The following ACVR1 variants were observed in gnomAD, a reference collection of about 807,000 sequenced individuals.
ACVR1 encodes the protein activin A receptor type 1.
In ACVR1, 38 loss-of-function variants were observed where a neutral mutation model predicts 57.1. The ratio of observed to expected loss-of-function variants is 0.67; its 90% CI spans 0.51 to 0.87. The LOEUF (loss-of-function observed/expected upper bound fraction) is 0.87, where lower values mean the gene tolerates loss of function less well. Ranked by LOEUF, ACVR1 falls within the 40% of genes least tolerant of loss-of-function variation. The pLI, the probability that ACVR1 is intolerant of heterozygous loss-of-function variation, is 0.00. For missense variants in ACVR1, 463 were observed against 638.2 expected (o/e 0.73, Z 2.96); for synonymous variants, 212 against 228.1 (o/e 0.93, Z 0.63).
In ACVR1 at chr2:157,780,487, C is replaced by T. The variant is rs772534199; in HGVS notation, c.181G>A (p.Asp61Asn). 3.1e-6 allele frequency: 5 copies of T among 1,614,068 alleles called. No individual in the cohort carries two copies. Among genetic ancestry groups the T allele is most frequent in the South Asian group, 1.1e-5 (1 of 91,070 alleles). Reference protein sequence around the residue: ...QQCFSSLSINDGFHVYQKGCF... With the variant: ...QQCFSSLSINNGFHVYQKGCF... ...CCTTTCTGGTAGACGTGGAAGCCAT[C>T]GTTGATGCTCAGTGAGGAAAAGCAC... The change falls in exon 4 of 11, where the codon GAT becomes AAT. Residue 61 changes from aspartate to asparagine, a missense_variant. Coordinates refer to ENST00000434821, the MANE Select transcript of ACVR1 (RefSeq NM_001111067.4).
At chr2:157,800,187 T>A (rs952824011) in intron 2 of ACVR1, among the ~76,000 whole-genome samples, 4 of 152,252 alleles carry the variant, frequency 2.6e-5, no homozygotes, top group African/African-American at 9.6e-5. Context: ...GGGAGTTTGG[T>A]TAGTTGCAAT....
chr2:157,810,199 T>C (rs562203763), intron 2 of ACVR1, among the ~76,000 whole-genome samples: 6 of 152,354 alleles, frequency 3.9e-5, no homozygotes, highest in African/African-American at 1.2e-4. Flanking sequence ...TATGAAATCA[T>C]TGTGGAAACG....
intron 9 of ACVR1, among the ~76,000 whole-genome samples, chr2:157,752,036 C>T (rs1249361749): frequency 6.6e-6 from 1 of 152,156 alleles, no homozygotes; most frequent in Non-Finnish European, 1.5e-5. Flanking sequence ...CAACTAAAGA[C>T]CCTCACAGAG....
At chr2:157,819,789 C>A (rs1337401327) in intron 1 of ACVR1, among the ~76,000 whole-genome samples, 2 of 152,126 alleles carry the variant, frequency 1.3e-5, no homozygotes, top group Non-Finnish European at 2.9e-5. Flanking sequence ...CACCCAGGCC[C>A]CATTTTCCTT....
rs753599813 is a variant in ACVR1 at position 157,760,969 on chromosome 2, T to G, written c.1175A>C (p.Gln392Pro). 4 of 1,614,044 alleles carry G rather than the reference T, an allele frequency of 2.5e-6. No homozygotes were observed. The highest frequency in any genetic ancestry group is 1.7e-5 in the Admixed American group (1 of 60,006). Residue 392 changes from glutamine (Q) to proline (P), a missense_variant, in exon 9 of 11, where the codon CAG (glutamine) becomes CCG (proline). By Grantham distance (76) the Gln-to-Pro change is moderately conservative (BLOSUM62 -1). Around this residue, in one of 3 missense-constraint regions of ACVR1, gnomAD observed 146 missense variants for 186.6 expected, o/e 0.78. Transcript: ENST00000434821. ...MAPEVLDETI[Q>P]VDCFDSYKRV... Reference sequence around the variant, plus strand: ...TTTATAAGAATCGAAACAATCCACCTGGATGGTTTCATCTAGAACTTCGGG... The same window carrying G: ...TTTATAAGAATCGAAACAATCCACCGGGATGGTTTCATCTAGAACTTCGGG...
At chr2:157,818,853 C>T (rs1424654926) in intron 1 of ACVR1, among the ~76,000 whole-genome samples, 3 of 151,722 alleles carry the variant, frequency 2.0e-5, no homozygotes, top group South Asian at 2.1e-4. Flanking sequence ...CCGAGGCGGG[C>T]GGATCACGAG....
At chr2:157,864,912 C>T (rs1243006320) in intron 1 of ACVR1, among the ~76,000 whole-genome samples, 1 of 151,674 alleles carries the variant, frequency 6.6e-6, no homozygotes, top group Non-Finnish European at 1.5e-5. Flanking sequence ...ATATGAGTTT[C>T]CTGGTCACTA....
intron 9 of ACVR1, among the ~76,000 whole-genome samples, chr2:157,756,171 G>A (rs1305860293): frequency 6.6e-6 from 1 of 152,028 alleles, no homozygotes; most frequent in East Asian, 1.9e-4. Context: ...AACTTAAGAT[G>A]GATCAAGGAC....
chr2:157,798,490 T>A (rs1446142883), intron 3 of ACVR1, among the ~76,000 whole-genome samples: 1 of 135,836 alleles, frequency 7.4e-6, no homozygotes, highest in Non-Finnish European at 1.5e-5. Context: ...CATGCCCAAC[T>A]ACACCATAAT....
chr2:157,844,851 A>G (rs1336048194), intron 1 of ACVR1, among the ~76,000 whole-genome samples: 18 of 152,214 alleles, frequency 1.2e-4, no homozygotes, highest in Admixed American at 1.2e-3. Flanking sequence ...TTATAAAAAA[A>G]GAGCTCCCTG....
In ACVR1 at chr2:157,752,106, C is replaced by A. The variant is rs955214024; in HGVS notation, c.1264+8774G>T. On this transcript the variant is annotated intron_variant, in intron 9 of 10. Coordinates refer to ENST00000434821, the MANE Select transcript of ACVR1 (RefSeq NM_001111067.4). ...GGTGCCGGTATCCATGGCTGAGAGA[C>A]CTGAAGACAGTTCACATCACAGGAC... Among the ~76,000 whole-genome samples, 4 of 152,304 alleles carry A rather than the reference C, an allele frequency of 2.6e-5. No homozygotes were observed. In the East Asian group the frequency reaches 7.7e-4, roughly 29 times the overall value.
At chr2:157,781,472 G>A (rs188102111) in intron 3 of ACVR1, among the ~76,000 whole-genome samples, 4 of 152,316 alleles carry the variant, frequency 2.6e-5, no homozygotes, top group African/African-American at 9.6e-5. Flanking sequence ...TAACACTAAA[G>A]TTTACATAGA....
At chr2:157,820,846 A>T (rs1051976348) in intron 1 of ACVR1, among the ~76,000 whole-genome samples, 4 of 152,200 alleles carry the variant, frequency 2.6e-5, no homozygotes, top group African/African-American at 7.2e-5. Flanking sequence ...AAGATCACAT[A>T]TTATTCTTCA....
intron 9 of ACVR1, among the ~76,000 whole-genome samples, chr2:157,759,829 CAA>C (rs1159239169): frequency 6.6e-6 from 1 of 152,082 alleles, no homozygotes; most frequent in Non-Finnish European, 1.5e-5. Flanking sequence ...TCAACAGAAT[CAA>C]AGACAAAAAC....
intron 8 of ACVR1, among the ~76,000 whole-genome samples, chr2:157,765,153 A>G (rs529981878): frequency 6.6e-6 from 1 of 152,300 alleles, no homozygotes; most frequent in African/African-American, 2.4e-5. Context: ...AAATGCCACT[A>G]TAAATGAAAA....
intron 1 of ACVR1, among the ~76,000 whole-genome samples, chr2:157,859,157 G>C (rs188233440): frequency 2.6e-5 from 4 of 152,090 alleles, no homozygotes; most frequent in African/African-American, 9.7e-5. Context: ...ATAGGAGGTC[G>C]GCACAAGATG....
intron 3 of ACVR1, among the ~76,000 whole-genome samples, chr2:157,787,255 T>C (rs1002913205): frequency 6.6e-6 from 1 of 152,128 alleles, no homozygotes; most frequent in Non-Finnish European, 1.5e-5. Flanking sequence ...TCTCTGAATG[T>C]TGCAAAGACT....
chr2:157,747,773 T>C (rs1015571851), intron 9 of ACVR1, among the ~76,000 whole-genome samples: 1 of 152,146 alleles, frequency 6.6e-6, no homozygotes, highest in African/African-American at 2.4e-5. Flanking sequence ...GTACATTGTG[T>C]GTATACACAC....
chr2:157,772,822 G>T (rs1182855025), intron 6 of ACVR1, among the ~76,000 whole-genome samples: 1 of 152,204 alleles, frequency 6.6e-6, no homozygotes, highest in Non-Finnish European at 1.5e-5. Flanking sequence ...TGCCGTGGAG[G>T]AGAAGCGAGA....
Sources: gnomAD v4.1 joint callset for allele counts (sites outside exome capture counted in the v4.1 genomes callset) on GRCh38, gnomAD v4.1.1 for gene constraint, gnomAD v4.1.1 regional missense constraint, MANE v1.5 for transcripts, NCBI Gene and HGNC (gene_info 2026-07-23, HGNC 2026-07-21) for gene names.